Variants in KAT14 observed in about 807,000 individuals in gnomAD.
KAT14 encodes cysteine-rich protein 2-binding protein.
In KAT14, 66 loss-of-function variants were observed where a neutral mutation model predicts 78.4. That is an observed-to-expected ratio of 0.84 (90% CI 0.69 to 1.03). The LOEUF is 1.03. Among genes scored for constraint, KAT14 ranks in the 50% least tolerant of loss-of-function variants. The probability of loss-of-function intolerance (pLI) is 0.00; values close to 1 mark genes in which losing one functional copy is unlikely to be tolerated. For synonymous variants in KAT14, 344 were observed against 359.4 expected (o/e 0.96, Z 0.48); for missense variants, 870 against 972.5 (o/e 0.89, Z 1.40).
At chr20:18,159,347 A>G in intron 5 of KAT14, 82 bp downstream of exon 5, 5 of 1,503,872 alleles carry the variant, frequency 3.3e-6, no homozygotes, top group Non-Finnish European at 4.4e-6. Flanking sequence ...TCCTGCTTCC[A>G]CTGGGCATGG....
In KAT14 at chr20:18,158,964, T is replaced by A. The variant is rs891520034; in HGVS notation, c.501-120T>A. On this transcript the variant is annotated intron_variant, in intron 4 of 10. Coordinates refer to ENST00000688188, the MANE Select transcript of KAT14 (RefSeq NM_001392073.1). ...CTCTCTCCTGCCTCTCGTGCTCTGC[T>A]CCTTCAGTAGCTGGAGGTGCCATTG... The A allele has an allele frequency of 3.2e-6, 4 of 1,237,296 alleles. No homozygotes were observed. In the East Asian group the frequency reaches 1.1e-4, roughly 34 times the overall value. 76.6% of individuals were successfully genotyped at this position (1,237,296 alleles called of 1,614,324 possible).
At chr20:18,139,813 A>T (rs1373407738) in intron 1 of KAT14, among the ~76,000 whole-genome samples, 1 of 152,126 alleles carries the variant, frequency 6.6e-6, no homozygotes. Context: ...AATAATGAAT[A>T]TTGATTCCTG....
chr20:18,174,458 C>T (rs2146492083), intron 7 of KAT14, among the ~76,000 whole-genome samples: 2 of 152,256 alleles, frequency 1.3e-5, no homozygotes, highest in Middle Eastern at 3.4e-3. Context: ...TCTGATTTCT[C>T]CACACATCCT....
chr20:18,159,799 C>T (rs1436542476), intron 5 of KAT14, among the ~76,000 whole-genome samples: 3 of 152,162 alleles, frequency 2.0e-5, no homozygotes, highest in Non-Finnish European at 4.4e-5. Context: ...ACCATAATGC[C>T]ATTTTCATAT....
At chr20:18,152,817 G>A (rs2038096856) in intron 4 of KAT14, among the ~76,000 whole-genome samples, 1 of 152,156 alleles carries the variant, frequency 6.6e-6, no homozygotes, top group Admixed American at 6.5e-5. Flanking sequence ...TTGTTCATTG[G>A]TCACTGTGTT....
Position 18,162,750 on chromosome 20 carries a change from A to C in KAT14, c.1473A>C (p.Lys491Asn). 2 of 1,614,200 alleles carry C rather than the reference A, an allele frequency of 1.2e-6. No homozygotes were observed. The highest frequency in any genetic ancestry group is 1.7e-6 in the Non-Finnish European group (2 of 1,180,030). ...VAMTPEARRL[K>N]RKLIVRQAKR... is the part of the protein sequence containing the mutation. ...TGACTCCGGAAGCTCGGAGACTGAA[A>C]CGCAAACTGATTGTCAGACAAGCGA... is the stretch of plus-strand genomic sequence containing the variant. The change falls in exon 7 of 11, where the codon AAA (lysine) becomes AAC (asparagine). Residue 491 changes from lysine (K) to asparagine (N), a missense_variant. By Grantham distance (94) the Lys-to-Asn change is moderately conservative (BLOSUM62 0). Coordinates refer to ENST00000688188, the MANE Select transcript of KAT14 (RefSeq NM_001392073.1).
At chr20:18,149,506 T>C (rs1157731980) in intron 3 of KAT14, among the ~76,000 whole-genome samples, 1 of 152,184 alleles carries the variant, frequency 6.6e-6, no homozygotes, top group Non-Finnish European at 1.5e-5. Flanking sequence ...AGTTTAAGAA[T>C]GGGGGAAATT....
In KAT14 at chr20:18,162,682, C is replaced by T. The variant is rs770062188; in HGVS notation, c.1405C>T (p.Leu469=). The part of the protein sequence containing the change: ...YTPVSIYEEK[L]LLKRLEACPG... ...TCCCGTGAGCATCTACGAGGAAAAGCTGCTGCTCAAGAGGCTGGAAGCTTG... is the reference window on the plus strand; with the variant it reads ...TCCCGTGAGCATCTACGAGGAAAAGTTGCTGCTCAAGAGGCTGGAAGCTTG... The change falls in exon 7 of 11, where the codon CTG becomes TTG. Residue 469 remains leucine (L), a synonymous_variant. Transcript: ENST00000688188. 4.0e-5 allele frequency: 64 copies of T among 1,614,080 alleles called. No individual in the cohort carries two copies. In the Middle Eastern group the frequency reaches 2.0e-3, roughly 50 times the overall value.
upstream of KAT14, among the ~76,000 whole-genome samples, chr20:18,137,543 G>A (rs1470625664): frequency 2.6e-5 from 4 of 152,214 alleles, no homozygotes; most frequent in African/African-American, 9.6e-5. Flanking sequence ...TCAGTCAGGG[G>A]CTCAGAAGGG....
chr20:18,165,292 G>A lies in KAT14; in HGVS notation c.1668+2347G>A, dbSNP rs980538508. ...TGCCACTATTAGATGAAGTTTCCTG[G>A]AGAAGATAAGCTAAATAGTCATTCT... On this transcript the variant is annotated intron_variant, in intron 7 of 10. Transcript: ENST00000688188. 7.9e-5 allele frequency among the ~76,000 whole-genome samples: 12 copies of A among 152,166 alleles called. 1 individual carries two copies. Among genetic ancestry groups the A allele is most frequent in the African/African-American group, 2.7e-4 (11 of 41,432 alleles).
At chr20:18,176,861 C>T (rs769885234) in intron 7 of KAT14, among the ~76,000 whole-genome samples, 2 of 152,176 alleles carry the variant, frequency 1.3e-5, no homozygotes, top group South Asian at 2.1e-4. Context: ...GCTTCTGTGT[C>T]GAGAGTGGAT....
At chr20:18,170,111 A>T (rs1425115103) in intron 7 of KAT14, among the ~76,000 whole-genome samples, 1 of 152,264 alleles carries the variant, frequency 6.6e-6, no homozygotes, top group Non-Finnish European at 1.5e-5. Flanking sequence ...ATAACACAAA[A>T]GAGTGCAAGT....
rs563176049 is a variant in KAT14 at position 18,142,500 on chromosome 20, GT to G, written c.-159del. On this transcript the variant is annotated 5_prime_UTR_variant, in exon 2 of 11. Coordinates refer to ENST00000688188, the MANE Select transcript of KAT14 (RefSeq NM_001392073.1). ...AAATAAAGGACAGTGGGTCATATAAGTTACTGCTTTCAGGGTCCCTTATATC... is the reference window on the plus strand; with the variant it reads ...AAATAAAGGACAGTGGGTCATATAAGTACTGCTTTCAGGGTCCCTTATATC... The G allele has an allele frequency of 2.8e-3, 4,030 of 1,458,076 alleles. 59 individuals are homozygous for G. Among genetic ancestry groups the G allele is most frequent in the South Asian group, 0.023 (1,551 of 68,324 alleles). The allele number at this position is 1,458,076 out of a possible 1,614,324, so 90.3% of individuals were successfully genotyped here. A position where few individuals can be genotyped will look rare whatever the true frequency, so the allele number is the denominator to read the frequency against.
intron 5 of KAT14, among the ~76,000 whole-genome samples, chr20:18,160,769 A>G (rs1312970156): frequency 6.6e-6 from 1 of 152,146 alleles, no homozygotes; most frequent in Non-Finnish European, 1.5e-5. Context: ...AAACAGTGCT[A>G]CAATTCTACA....
intron 8 of KAT14, among the ~76,000 whole-genome samples, chr20:18,182,779 G>A (rs182661759): frequency 3.2e-4 from 49 of 152,224 alleles, no homozygotes; most frequent in African/African-American, 1.0e-3. Flanking sequence ...CAAATGCCCC[G>A]CAAAGTTGAG....
At chr20:18,141,023 A>ATTTTTTTTTTTTTT (rs67633205) in intron 1 of KAT14, among the ~76,000 whole-genome samples, 2 of 48,758 alleles carry the variant, frequency 4.1e-5, no homozygotes, top group African/African-American at 1.1e-4. Flanking sequence ...ACTCCCTGCA[A>ATTTTTTTTTTTTTT]TTTTTTTTTT....
chr20:18,164,107 T>C (rs1251617578), intron 7 of KAT14, among the ~76,000 whole-genome samples: 4 of 152,212 alleles, frequency 2.6e-5, no homozygotes, highest in Non-Finnish European at 4.4e-5. Flanking sequence ...GCCTGGGGGC[T>C]ATAGTTTACC....
intron 4 of KAT14, among the ~76,000 whole-genome samples, chr20:18,155,068 A>G (rs2038174998): frequency 6.6e-6 from 1 of 152,184 alleles, no homozygotes; most frequent in South Asian, 2.1e-4. Flanking sequence ...TATTTTTCGT[A>G]GGGACAGGGT....
At chr20:18,163,345 A>G (rs1568669107) in intron 7 of KAT14, among the ~76,000 whole-genome samples, 1 of 152,144 alleles carries the variant, frequency 6.6e-6, no homozygotes, top group Admixed American at 6.5e-5. Flanking sequence ...GCGAAGGACA[A>G]CATGAAGAAA....
Sources: allele counts gnomAD v4.1 joint callset (sites outside exome capture counted in the v4.1 genomes callset), GRCh38; gene constraint gnomAD v4.1.1; transcripts MANE v1.5; gene names NCBI Gene and HGNC (gene_info 2026-07-23, HGNC 2026-07-21).